NEO1: variants seen among roughly 807,000 people sequenced by gnomAD.
NEO1 encodes the protein neogenin.
NEO1 carries 63 observed loss-of-function variants against 159.7 expected under a neutral mutation model. The ratio of observed to expected loss-of-function variants is 0.39; its 90% CI spans 0.32 to 0.49. NEO1 has a LOEUF of 0.49. NEO1 is among the 20% of genes least tolerant of loss of function. The pLI is 0.85. For missense variants in NEO1, 1,615 were observed against 1,831.0 expected, an observed-to-expected ratio of 0.88 and a Z score of 2.15; for synonymous variants, 633 against 662.0, an observed-to-expected ratio of 0.96 and a Z score of 0.67.
intron 7 of NEO1, among the ~76,000 whole-genome samples, chr15:73,194,318 T>C (rs140893474): frequency 6.6e-6 from 1 of 152,328 alleles, no homozygotes; most frequent in East Asian, 1.9e-4. Flanking sequence ...CTAATGGCTT[T>C]GTATTAGTTC....
intron 1 of NEO1, among the ~76,000 whole-genome samples, chr15:73,054,935 G>T (rs182259824): frequency 6.6e-6 from 1 of 152,232 alleles, no homozygotes; most frequent in African/African-American, 2.4e-5. Context: ...TTTTATAGGG[G>T]ATTATAGTGA....
In NEO1 at chr15:73,305,098, G is replaced by A. The variant is rs1034696908; in HGVS notation, c.*2402G>A. The A allele has an allele frequency of 6.6e-6, 1 of 152,046 alleles. No homozygotes were observed. Among genetic ancestry groups the A allele is most frequent in the Non-Finnish European group, 1.5e-5 (1 of 68,004 alleles). 9.4% of individuals were successfully genotyped at this position (152,046 alleles called of 1,614,324 possible). ...CTGGGACTGGCGTCTGTACACACTT[G>A]TTTGGCCTTTTCTGTAGTTGATGCT... is the stretch of plus-strand genomic sequence containing the variant. On this transcript the variant is annotated 3_prime_UTR_variant, in exon 29 of 29. Transcript: ENST00000261908.
chr15:73,220,325 G>A (rs2038163547), intron 7 of NEO1, among the ~76,000 whole-genome samples: 1 of 152,084 alleles, frequency 6.6e-6, no homozygotes, highest in South Asian at 2.1e-4. Context: ...TTCCTTTTAT[G>A]GGTAACCTGA....
chr15:73,122,602 A>G lies in NEO1; in HGVS notation c.526A>G (p.Asn176Asp), dbSNP rs772795594. 1.2e-6 allele frequency: 2 copies of G among 1,614,212 alleles called. No individual in the cohort carries two copies. The highest frequency in any genetic ancestry group is 3.3e-5 in the Admixed American group (2 of 60,026). The change falls in exon 3 of 29, where the codon AAT becomes GAT. Residue 176 changes from asparagine (N) to aspartate (D), a missense_variant. Asn to Asp is a conservative substitution (Grantham distance 23). This residue lies in a region of NEO1 where 1,018 missense variants were observed against 1,115.4 expected (regional missense o/e 0.91). Transcript: ENST00000261908. Reference protein sequence around the residue: ...GNNAILNCEVNADLVPFVRWE... With the variant: ...GNNAILNCEVDADLVPFVRWE... ...CAATGCAATTCTGAATTGTGAAGTTAATGCAGATTTGGTCCCATTTGTGAG... is the reference window on the plus strand; with the variant it reads ...CAATGCAATTCTGAATTGTGAAGTTGATGCAGATTTGGTCCCATTTGTGAG...
intron 9 of NEO1, 28 bp downstream of exon 9, chr15:73,244,526 C>A: frequency 6.2e-7 from 1 of 1,609,016 alleles, no homozygotes; most frequent in South Asian, 1.1e-5. Flanking sequence ...CTGTCAGCAC[C>A]CCCTAGAGGT....
At chr15:73,067,023 C>CT (rs1279833046) in intron 1 of NEO1, among the ~76,000 whole-genome samples, 1 of 152,216 alleles carries the variant, frequency 6.6e-6, no homozygotes, top group African/African-American at 2.4e-5. Flanking sequence ...ACCATCTACT[C>CT]TATCATTCCT....
At chr15:73,188,671 G>A (rs1197166543) in intron 7 of NEO1, among the ~76,000 whole-genome samples, 1 of 152,138 alleles carries the variant, frequency 6.6e-6, no homozygotes, top group Non-Finnish European at 1.5e-5. Context: ...AATGGTTCGA[G>A]TCAGTAATTT....
intron 5 of NEO1, among the ~76,000 whole-genome samples, chr15:73,163,992 C>A (rs2034376045): frequency 6.7e-6 from 1 of 150,180 alleles, no homozygotes; most frequent in Non-Finnish European, 1.5e-5. Context: ...ACCCTTTTCC[C>A]GTATTTGTAT....
intron 1 of NEO1, among the ~76,000 whole-genome samples, chr15:73,060,573 C>G (rs2067928852): frequency 6.6e-6 from 1 of 151,544 alleles, no homozygotes; most frequent in African/African-American, 2.4e-5. Context: ...ACCCAGGCAA[C>G]TAGTTGTTTT....
chr15:73,111,861 C>T (rs995683908), intron 1 of NEO1, among the ~76,000 whole-genome samples: 2 of 152,072 alleles, frequency 1.3e-5, no homozygotes, highest in African/African-American at 2.4e-5. Context: ...TCTTGAACTC[C>T]TGGGCTCAAG....
intron 7 of NEO1, among the ~76,000 whole-genome samples, chr15:73,207,089 CAAGT>C (rs2037282154): frequency 6.6e-6 from 1 of 152,152 alleles, no homozygotes; most frequent in South Asian, 2.1e-4. Context: ...GGAAGGTAGA[CAAGT>C]ATGGCTCAAT....
intron 4 of NEO1, among the ~76,000 whole-genome samples, chr15:73,128,883 CA>C (rs2030703452): frequency 1.3e-5 from 2 of 152,166 alleles, no homozygotes; most frequent in African/African-American, 2.4e-5. Flanking sequence ...TTAACTAAAT[CA>C]AATGTGAATA....
At chr15:73,104,574 A>G (rs1453303107) in intron 1 of NEO1, among the ~76,000 whole-genome samples, 1 of 152,240 alleles carries the variant, frequency 6.6e-6, no homozygotes, top group African/African-American at 2.4e-5. Context: ...AAAATTAGAA[A>G]AAGTTTGTCA....
upstream of NEO1, chr15:73,051,734 C>T (rs911072383): frequency 6.6e-6 from 1 of 151,846 alleles, no homozygotes; most frequent in African/African-American, 2.4e-5. Flanking sequence ...CGGCCGGCCC[C>T]CTCCCACGGG....
In NEO1 at chr15:73,133,189, G is replaced by GTA. The variant is rs564506282; in HGVS notation, c.879-2691_879-2690dup. Reference sequence around the variant, plus strand: ...TTGTGGTATGTATATATATATATACGTATATATATATACACATACTACTCA... The same window carrying GTA: ...TTGTGGTATGTATATATATATATACGTATATATATATATACACATACTACTCA... On this transcript the variant is annotated intron_variant, in intron 4 of 28. Transcript: ENST00000261908. Among the ~76,000 whole-genome samples, 699 of 151,244 alleles carry GTA rather than the reference G, an allele frequency of 4.6e-3. 2 individuals are homozygous for GTA. Among genetic ancestry groups the GTA allele is most frequent in the Middle Eastern group, 0.01 (3 of 290 alleles).
intron 20 of NEO1, 36 bp from the exon 21 acceptor site, chr15:73,274,655 GC>G: frequency 6.2e-7 from 1 of 1,610,134 alleles, no homozygotes; most frequent in South Asian, 1.1e-5. Context: ...TGTGATCCTT[GC>G]TCTTGTTTTT....
At chr15:73,225,886 C>T (rs755818926) in intron 7 of NEO1, among the ~76,000 whole-genome samples, 4 of 152,182 alleles carry the variant, frequency 2.6e-5, no homozygotes, top group Non-Finnish European at 4.4e-5. Context: ...CCACACTCCT[C>T]CGGTTGCCCT....
intron 7 of NEO1, among the ~76,000 whole-genome samples, chr15:73,183,353 T>C (rs146200461): frequency 6.6e-6 from 1 of 152,108 alleles, no homozygotes; most frequent in African/African-American, 2.4e-5. Context: ...AGATTAGAAG[T>C]CAAACCCCTG....
intron 5 of NEO1, among the ~76,000 whole-genome samples, chr15:73,166,832 A>G (rs1567363934): frequency 6.6e-6 from 1 of 152,220 alleles, no homozygotes; most frequent in East Asian, 1.9e-4. Flanking sequence ...ATGCCAACAG[A>G]TCCATTTGGT....
Sources: allele counts gnomAD v4.1 joint callset (sites outside exome capture counted in the v4.1 genomes callset), GRCh38; gene constraint gnomAD v4.1.1; regional missense constraint gnomAD v4.1.1; transcripts MANE v1.5; gene names NCBI Gene and HGNC (gene_info 2026-07-23, HGNC 2026-07-21).